The following RBFOX1 variants were observed in gnomAD, a reference collection of about 807,000 sequenced individuals.
RBFOX1 encodes the protein RNA binding protein fox-1 homolog 1.
Under a neutral mutation model 57.7 loss-of-function variants are expected in RBFOX1, and 8 were observed. That is an observed-to-expected ratio of 0.14 (90% confidence interval 0.08 to 0.25). The LOEUF (loss-of-function observed/expected upper bound fraction) is 0.25, where lower values mean the gene tolerates loss of function less well. Ranked by LOEUF, RBFOX1 falls within the 10% of genes least tolerant of loss-of-function variation. RBFOX1 has a pLI of 1.00. For synonymous variants in RBFOX1, 326 were observed against 222.4 expected, an observed-to-expected ratio of 1.47 and a Z score of -4.15; for missense variants, 611 against 548.5, an observed-to-expected ratio of 1.11 and a Z score of -1.14.
At chr16:6,005,661 C>A (rs137933300) in intron 4 of RBFOX1, among the ~76,000 whole-genome samples, 1 of 152,168 alleles carries the variant, frequency 6.6e-6, no homozygotes, top group Non-Finnish European at 1.5e-5. Flanking sequence ...TCATGACAAC[C>A]AAAAATGTCT....
At chr16:7,153,593 G>C (rs115973141) in intron 4 of RBFOX1, among the ~76,000 whole-genome samples, 1 of 151,544 alleles carries the variant, frequency 6.6e-6, no homozygotes, top group Non-Finnish European at 1.5e-5. Context: ...AATTAGCCAG[G>C]CATGGTGATG....
chr16:6,205,478 C>T (rs1410112838), intron 1 of RBFOX1, among the ~76,000 whole-genome samples: 1 of 152,180 alleles, frequency 6.6e-6, no homozygotes, highest in Non-Finnish European at 1.5e-5. Context: ...TCTGCTTCTG[C>T]TGCCATGTTT....
At chr16:7,044,284 C>G (rs769660009) in intron 3 of RBFOX1, among the ~76,000 whole-genome samples, 3 of 152,140 alleles carry the variant, frequency 2.0e-5, no homozygotes, top group African/African-American at 7.2e-5. Context: ...AGGAAAGCCA[C>G]CTAAGGCTCA....
rs531846402 is a variant in RBFOX1, at chr16:6,238,951, G to T, written c.-126-78044G>T. The stretch of plus-strand genomic sequence containing the variant: ...TAAAATGTACCGTTAACTTATTTTT[G>T]ACCATAGTCACCCTGTTGTGCTGTA... On this transcript the variant is annotated intron_variant, in intron 1 of 15. Coordinates refer to ENST00000550418, the MANE Select transcript of RBFOX1 (RefSeq NM_018723.4). 4.6e-5 allele frequency among the ~76,000 whole-genome samples: 7 copies of T among 151,868 alleles called. No individual in the cohort carries two copies. In the East Asian group the frequency reaches 1.4e-3, roughly 29 times the overall value.
chr16:6,422,363 C>T (rs2093799831), intron 2 of RBFOX1, among the ~76,000 whole-genome samples: 1 of 151,924 alleles, frequency 6.6e-6, no homozygotes, highest in Non-Finnish European at 1.5e-5. Context: ...GAGTGTAGTA[C>T]CCAATAGGTA....
At position 7,301,069 on chromosome 16, in the gene RBFOX1, C is replaced by T. The variant is rs150663066; in HGVS notation, c.28-217078C>T. 5.3e-5 allele frequency among the ~76,000 whole-genome samples: 8 copies of T among 152,078 alleles called. No individual in the cohort carries two copies. In the East Asian group the frequency reaches 1.6e-3, roughly 29 times the overall value. The stretch of plus-strand genomic sequence containing the variant: ...TAGTGGCCTTGATATGGCTCTTTCT[C>T]AGTCTCTTTTGAGATGGAATTCAAA... On this transcript the variant is annotated intron_variant, in intron 4 of 15. Coordinates refer to ENST00000550418, the MANE Select transcript of RBFOX1 (RefSeq NM_018723.4).
chr16:5,468,898 G>T (rs544182763), intron 2 of RBFOX1, among the ~76,000 whole-genome samples: 1 of 152,286 alleles, frequency 6.6e-6, no homozygotes, highest in East Asian at 1.9e-4. Flanking sequence ...TCTTCACTTG[G>T]CTTCCCGCCC....
intron 3 of RBFOX1, among the ~76,000 whole-genome samples, chr16:6,683,957 C>G (rs1320702796): frequency 1.3e-5 from 2 of 152,182 alleles, no homozygotes; most frequent in African/African-American, 4.8e-5. Flanking sequence ...CTGCTAATAC[C>G]TCTTCCCTTC....
At chr16:5,526,894 C>G (rs1872682) in intron 2 of RBFOX1, among the ~76,000 whole-genome samples, 54,853 of 152,058 alleles carry the variant, frequency 0.36, 11,423 homozygotes, top group East Asian at 0.85. Context: ...TTTGTGTGAC[C>G]TTGGGCACAT....
intron 3 of RBFOX1, among the ~76,000 whole-genome samples, chr16:5,627,185 C>T (rs966244598): frequency 2.5e-4 from 38 of 152,226 alleles, no homozygotes; most frequent in African/African-American, 8.7e-4. Flanking sequence ...AGCTTCATGG[C>T]TCTGTAATTT....
chr16:5,490,697 G>C (rs896314601), intron 2 of RBFOX1, among the ~76,000 whole-genome samples: 1 of 152,164 alleles, frequency 6.6e-6, no homozygotes, highest in Non-Finnish European at 1.5e-5. Flanking sequence ...AGGAGGCCTG[G>C]CCAGGCGGAT....
chr16:5,940,730 T>A (rs1269052105), intron 4 of RBFOX1, among the ~76,000 whole-genome samples: 1 of 152,166 alleles, frequency 6.6e-6, no homozygotes, highest in African/African-American at 2.4e-5. Context: ...AATGAAATCA[T>A]TCAAGTGGAG....
chr16:6,839,502 C>G (rs962171017), intron 3 of RBFOX1, among the ~76,000 whole-genome samples: 2 of 152,158 alleles, frequency 1.3e-5, no homozygotes, highest in African/African-American at 4.8e-5. Context: ...TTATTATGGA[C>G]AGAAAGGCCA....
intron 4 of RBFOX1, among the ~76,000 whole-genome samples, chr16:7,229,178 C>G (rs1361780774): frequency 6.6e-6 from 1 of 152,186 alleles, no homozygotes; most frequent in Non-Finnish European, 1.5e-5. Flanking sequence ...ATATTTCTTT[C>G]ATGCTTCAGA....
At chr16:6,930,878 C>G (rs1327274101) in intron 3 of RBFOX1, among the ~76,000 whole-genome samples, 2 of 152,032 alleles carry the variant, frequency 1.3e-5, no homozygotes, top group African/African-American at 4.8e-5. Context: ...ATGTTCCTAT[C>G]CAATACCCCT....
At chr16:6,408,186 G>A (rs1448754690) in intron 2 of RBFOX1, among the ~76,000 whole-genome samples, 1 of 152,092 alleles carries the variant, frequency 6.6e-6, no homozygotes, top group African/African-American at 2.4e-5. Context: ...AAGCCACTGT[G>A]TCTAAGGTAT....
At chr16:6,646,140 T>C (rs1227507534) in intron 2 of RBFOX1, among the ~76,000 whole-genome samples, 2 of 152,016 alleles carry the variant, frequency 1.3e-5, no homozygotes, top group Non-Finnish European at 2.9e-5. Context: ...AGTGGTCGAG[T>C]GGGGCTGAAG....
At chr16:7,133,098 A>G (rs1362327483) in intron 4 of RBFOX1, among the ~76,000 whole-genome samples, 4 of 152,182 alleles carry the variant, frequency 2.6e-5, no homozygotes, top group Non-Finnish European at 5.9e-5. Flanking sequence ...ATTTTTTGAT[A>G]TTATGGTTTG....
intron 3 of RBFOX1, among the ~76,000 whole-genome samples, chr16:6,690,674 G>T (rs559971879): frequency 6.6e-6 from 1 of 151,688 alleles, no homozygotes; most frequent in African/African-American, 2.4e-5. Flanking sequence ...GTCGATTATA[G>T]TACAGTAGGA....
Sources: gnomAD v4.1 joint callset for allele counts (sites outside exome capture counted in the v4.1 genomes callset) on GRCh38, gnomAD v4.1.1 for gene constraint, MANE v1.5 for transcripts, NCBI Gene and HGNC (gene_info 2026-07-23, HGNC 2026-07-21) for gene names.